The following CC2D2B variants were observed in gnomAD, a reference collection of about 807,000 sequenced individuals.
The protein encoded by CC2D2B is coiled-coil and C2 domain containing 2B.
Under a neutral mutation model 161.2 loss-of-function variants are expected in CC2D2B, and 128 were observed. The observed-to-expected ratio is 0.79, with a 90% confidence interval of 0.69 to 0.92. The LOEUF (loss-of-function observed/expected upper bound fraction) is 0.92, where lower values mean the gene tolerates loss of function less well. CC2D2B is among the 40% of genes least tolerant of loss of function. The pLI is 0.00. For missense variants in CC2D2B, 1,173 were observed against 1,375.1 expected, an observed-to-expected ratio of 0.85 and a Z score of 2.32; for synonymous variants, 391 against 449.8, an observed-to-expected ratio of 0.87 and a Z score of 1.65.
intron 34 of CC2D2B, among the ~76,000 whole-genome samples, chr10:96,031,188 T>A (rs893661795): frequency 4.6e-5 from 7 of 152,122 alleles, no homozygotes; most frequent in African/African-American, 1.4e-4. Flanking sequence ...ATGGGTTAGT[T>A]AGAGAGAGAC....
intron 11 of CC2D2B, 95 bp from the exon 12 acceptor site, chr10:95,961,734 C>T: frequency 1.7e-6 from 1 of 580,876 alleles, no homozygotes; most frequent in Non-Finnish European, 2.5e-6. Flanking sequence ...GGAGGGAGTT[C>T]AGAAGAGTTA....
chr10:95,926,064 T>C lies in CC2D2B; in HGVS notation c.241-1173T>C, dbSNP rs189095457. On this transcript the variant is annotated intron_variant, in intron 5 of 34. Coordinates refer to ENST00000646931, the MANE Select transcript of CC2D2B (RefSeq NM_001349008.3). ...CTCAACAGAGCACCTCTTAGATGCT[T>C]AATAAAAATTATTTTAATTAAATGT... 2.6e-5 allele frequency among the ~76,000 whole-genome samples: 4 copies of C among 152,302 alleles called. No homozygotes were observed. The East Asian group carries it at 7.7e-4, about 29-fold the overall frequency.
At chr10:96,024,938 T>A in intron 33 of CC2D2B, 27 bp downstream of exon 33, 1 of 1,379,508 alleles carries the variant, frequency 7.2e-7, no homozygotes, top group Non-Finnish European at 1.0e-6. Flanking sequence ...TAATCTCTTG[T>A]TGGGTTACCT....
chr10:95,990,648 A>G (rs1211072832), intron 20 of CC2D2B, among the ~76,000 whole-genome samples: 1 of 152,206 alleles, frequency 6.6e-6, no homozygotes, highest in African/African-American at 2.4e-5. Flanking sequence ...TACCCGCTTC[A>G]AGAAGATAAC....
intron 14 of CC2D2B, among the ~76,000 whole-genome samples, chr10:95,967,634 A>G (rs1302712571): frequency 6.6e-6 from 1 of 152,226 alleles, no homozygotes; most frequent in Non-Finnish European, 1.5e-5. Context: ...GAATAAACAA[A>G]TTTTTAAAAT....
chr10:95,991,571 G>A (rs768862029), intron 21 of CC2D2B, 110 bp downstream of exon 21: 97 of 353,210 alleles, frequency 2.7e-4, no homozygotes, highest in Non-Finnish European at 7.5e-5. Flanking sequence ...CAAAAGATGC[G>A]GTTTCAGATC....
intron 16 of CC2D2B, 111 bp downstream of exon 16, chr10:95,972,327 T>G (rs2077164110): frequency 2.7e-6 from 2 of 739,708 alleles, no homozygotes; most frequent in Non-Finnish European, 3.7e-6. Flanking sequence ...ACAATATTCT[T>G]TTTTGTTTGT....
Position 95,970,501 on chromosome 10 carries a change from C to T in CC2D2B, c.1645-1565C>T, listed in dbSNP as rs191232211. ...TCATTCTGACCACTTTTAAGATGCT[C>T]AATCTCATCGCATCATGGTGTTGAC... On this transcript the variant is annotated intron_variant, in intron 15 of 34. Transcript: ENST00000646931. Among the ~76,000 whole-genome samples, 539 of 152,264 alleles carry T rather than the reference C, an allele frequency of 3.5e-3. 3 individuals are homozygous for T. Among genetic ancestry groups the T allele is most frequent in the South Asian group, 8.1e-3 (39 of 4,818 alleles).
chr10:96,000,649 C>T, intron 24 of CC2D2B: 1 of 152,520 alleles, frequency 6.6e-6, no homozygotes, highest in Non-Finnish European at 1.5e-5. Flanking sequence ...CAGGTGTGAG[C>T]CACCGTGCCC....
Position 96,016,184 on chromosome 10 carries a change from CTTTTG to C in CC2D2B, c.3517-10_3517-6del, listed in dbSNP as rs1467867781. 6.4e-6 allele frequency: 10 copies of C among 1,562,260 alleles called. No homozygotes were observed. Among genetic ancestry groups the C allele is most frequent in the South Asian group, 1.1e-5 (1 of 89,312 alleles). On this transcript the variant is annotated splice_polypyrimidine_tract_variant and intron_variant, in intron 29 of 34. Transcript: ENST00000646931. The stretch of plus-strand genomic sequence containing the variant: ...CACTTTTCTTTTTTTGTTCCTATTG[CTTTTG>C]TTTTGTCTTAGCACTGCATCAGTTT...
chr10:96,029,819 T>C (rs1031697654), intron 34 of CC2D2B, among the ~76,000 whole-genome samples: 1 of 20,040 alleles, frequency 5.0e-5, no homozygotes, highest in Non-Finnish European at 1.1e-4. Context: ...GTTGTTTTGT[T>C]TTTTTTTTTG....
chr10:95,976,243 A>G (rs2077308031), intron 17 of CC2D2B, among the ~76,000 whole-genome samples: 1 of 152,152 alleles, frequency 6.6e-6, no homozygotes, highest in Non-Finnish European at 1.5e-5. Flanking sequence ...TGGTCTGCAT[A>G]CATTCCCTCC....
intron 34 of CC2D2B, among the ~76,000 whole-genome samples, chr10:96,030,756 T>C (rs560552449): frequency 1.3e-5 from 2 of 152,318 alleles, no homozygotes; most frequent in South Asian, 4.1e-4. Flanking sequence ...GCTTTGTTTT[T>C]AGTAGAATTA....
intron 11 of CC2D2B, among the ~76,000 whole-genome samples, chr10:95,958,216 C>T (rs565623408): frequency 3.4e-4 from 52 of 152,178 alleles, no homozygotes; most frequent in East Asian, 2.3e-3. Context: ...ATAGGCCGGG[C>T]GTGTTGGCTC....
chr10:95,938,074 T>C lies in CC2D2B; in HGVS notation c.420T>C (p.Phe140=), dbSNP rs1448889409. The change falls in exon 7 of 35, where the codon TTT becomes TTC. Residue 140 remains phenylalanine, a synonymous_variant. Coordinates refer to ENST00000646931, the MANE Select transcript of CC2D2B (RefSeq NM_001349008.3). ...TTGCTGAGAGTGAAGAGGAAGAGTT[T>C]ATGAAAGAATTCATTTTGACAGATA... ...QNVAESEEEE[F]MKEFILTDIL... 1 of 1,550,084 alleles carries C rather than the reference T, an allele frequency of 6.5e-7. No individual in the cohort carries two copies. The highest frequency in any genetic ancestry group is 8.7e-7 in the Non-Finnish European group (1 of 1,145,694).
intron 32 of CC2D2B, chr10:96,022,554 C>G (rs1223768397): frequency 6.6e-6 from 1 of 152,108 alleles, no homozygotes; most frequent in Non-Finnish European, 1.5e-5. Context: ...CTTGCTTTGC[C>G]CATCCCAAAG....
intron 19 of CC2D2B, 122 bp from the exon 20 acceptor site, chr10:95,988,128 A>T (rs2077803773): frequency 2.5e-6 from 1 of 400,586 alleles, no homozygotes; most frequent in South Asian, 1.4e-4. Flanking sequence ...TTCTTCTGTC[A>T]GTCTCAGAAT....
chr10:95,908,210 C>T (rs1160949209), intron 1 of CC2D2B, among the ~76,000 whole-genome samples, 153 bp downstream of exon 1: 2 of 152,194 alleles, frequency 1.3e-5, no homozygotes. Flanking sequence ...AGTTCGGGGG[C>T]CTGGCCGACC....
At chr10:96,005,884 A>T (rs1046917164) in intron 25 of CC2D2B, among the ~76,000 whole-genome samples, 20 of 152,072 alleles carry the variant, frequency 1.3e-4, no homozygotes, top group Non-Finnish European at 2.5e-4. Context: ...TACTTTTTTT[A>T]AAAAAATAGT....
Sources: allele counts gnomAD v4.1 joint callset (sites outside exome capture counted in the v4.1 genomes callset), GRCh38; gene constraint gnomAD v4.1.1; transcripts MANE v1.5; gene names NCBI Gene and HGNC (gene_info 2026-07-23, HGNC 2026-07-21).